Variants in NMNAT3 observed in about 807,000 individuals in gnomAD.
NMNAT3 encodes nicotinamide nucleotide adenylyltransferase 3.
A neutral mutation model predicts 24.8 loss-of-function variants in NMNAT3; 21 were observed. That is an observed-to-expected ratio of 0.85 (90% confidence interval 0.60 to 1.22). The LOEUF is 1.22. Ranked by LOEUF, NMNAT3 falls within the 50% of genes most tolerant of loss-of-function variation. NMNAT3 has a pLI of 0.00. For missense variants in NMNAT3, 387 were observed against 436.6 expected, an observed-to-expected ratio of 0.89 and a Z score of 1.01; for synonymous variants, 136 against 155.2, an observed-to-expected ratio of 0.88 and a Z score of 0.92.
At chr3:139,625,359 C>T (rs970845781) in intron 3 of NMNAT3, among the ~76,000 whole-genome samples, 5 of 152,118 alleles carry the variant, frequency 3.3e-5, no homozygotes, top group African/African-American at 1.2e-4. Flanking sequence ...GTTTAAATCT[C>T]TTATGTTGTT....
intron 1 of NMNAT3, among the ~76,000 whole-genome samples, chr3:139,652,813 A>C (rs2057099734): frequency 6.6e-6 from 1 of 152,194 alleles, no homozygotes; most frequent in South Asian, 2.1e-4. Context: ...CCTCGAGAGA[A>C]GCTGGGAATC....
chr3:139,581,655 C>A (rs2053622077), intron 4 of NMNAT3, among the ~76,000 whole-genome samples: 1 of 152,036 alleles, frequency 6.6e-6, no homozygotes, highest in African/African-American at 2.4e-5. Context: ...TGTACCTAAT[C>A]TATAATAAGT....
chr3:139,643,732 G>T (rs1266875230), intron 1 of NMNAT3, among the ~76,000 whole-genome samples: 2 of 152,058 alleles, frequency 1.3e-5, no homozygotes, highest in African/African-American at 4.8e-5. Flanking sequence ...GGAGGAGAGG[G>T]GGAAGGAACA....
intron 6 of NMNAT3, chr3:139,567,919 C>T (rs1017105931): frequency 2.0e-5 from 3 of 152,178 alleles, no homozygotes; most frequent in African/African-American, 7.2e-5. Flanking sequence ...AGGAATGGTA[C>T]CAGCTCCTCT....
chr3:139,627,893 G>A (rs1475253550), intron 2 of NMNAT3, 129 bp from the exon 4 acceptor site: 19 of 469,994 alleles, frequency 4.0e-5, no homozygotes, highest in South Asian at 1.5e-4. Flanking sequence ...TTAAAACAAC[G>A]TTTAAGGAGG....
At chr3:139,610,750 A>T (rs569566788) in intron 3 of NMNAT3, among the ~76,000 whole-genome samples, 1 of 152,260 alleles carries the variant, frequency 6.6e-6, no homozygotes, top group East Asian at 1.9e-4. Context: ...TCATAGCTTA[A>T]TTTCCCCCTT....
rs114419338 is a variant in NMNAT3, at chr3:139,561,240, C to A, written c.811G>T (p.Ala271Ser). The A allele has an allele frequency of 5.6e-6, 9 of 1,613,924 alleles. No homozygotes were observed. Among genetic ancestry groups the A allele is most frequent in the Non-Finnish European group, 7.6e-6 (9 of 1,180,002 alleles). Residue 271 changes from alanine to serine, a missense_variant, in exon 7 of 7, where the codon GCA becomes TCA. Transcript: ENST00000643695. ...TGCATCCGTAGGATGGGAGATTCTG[C>A]GATGTAACCTTTTGGGTCGTGACCT...
rs562333919 is a variant in NMNAT3, at chr3:139,607,904, C to T, written c.109+19712G>A. On this transcript the variant is annotated intron_variant, in intron 3 of 6. Transcript: ENST00000643695. ...ATAATTATCAGTAACTCATAAATTT[C>T]CCCAAGGCCTAACTCCGTCTTGACA... Among the ~76,000 whole-genome samples the T allele has an allele frequency of 5.3e-5, 8 of 152,262 alleles. No homozygotes were observed. The South Asian group carries it at 1.7e-3, about 32-fold the overall frequency.
At chr3:139,579,076 G>T (rs369545555) in intron 4 of NMNAT3, 21 bp from the exon 5 acceptor site, 1 of 1,605,044 alleles carries the variant, frequency 6.2e-7, no homozygotes, top group South Asian at 1.1e-5. Context: ...GAGAGCAGTG[G>T]TGTTGCACAT....
chr3:139,579,240 AT>A (rs1939811876), intron 4 of NMNAT3, among the ~76,000 whole-genome samples, 185 bp from the exon 5 acceptor site: 2 of 152,164 alleles, frequency 1.3e-5, no homozygotes, highest in African/African-American at 4.8e-5. Context: ...CTTAGTGAAC[AT>A]GTGCTTCTCC....
At chr3:139,632,626 G>A (rs999719101) in intron 2 of NMNAT3, among the ~76,000 whole-genome samples, 4 of 152,210 alleles carry the variant, frequency 2.6e-5, no homozygotes, top group Non-Finnish European at 4.4e-5. Flanking sequence ...ATCTACTAGT[G>A]GCCAGGCCCT....
intron 1 of NMNAT3, among the ~76,000 whole-genome samples, chr3:139,643,830 A>G (rs1178762254): frequency 6.6e-6 from 1 of 152,214 alleles, no homozygotes; most frequent in South Asian, 2.1e-4. Flanking sequence ...TTTATTACAC[A>G]CTTAAAAATG....
intron 3 of NMNAT3, among the ~76,000 whole-genome samples, chr3:139,619,318 T>A (rs1264720645): frequency 4.6e-5 from 7 of 152,180 alleles, no homozygotes; most frequent in Admixed American, 4.6e-4. Flanking sequence ...GACCAAGTAC[T>A]TTCCAGGGAG....
intron 1 of NMNAT3, among the ~76,000 whole-genome samples, chr3:139,662,208 G>A (rs537058913): frequency 3.3e-5 from 5 of 152,214 alleles, no homozygotes; most frequent in Middle Eastern, 3.4e-3. Context: ...AGTGAATGCC[G>A]GTTGTCTCTC....
chr3:139,573,684 T>C lies in NMNAT3; in HGVS notation c.576-4A>G. The C allele has an allele frequency of 6.4e-7, 1 of 1,572,302 alleles. No individual in the cohort carries two copies. The highest frequency in any genetic ancestry group is 8.6e-7 in the Non-Finnish European group (1 of 1,156,412). On this transcript the variant is annotated splice_region_variant and splice_polypyrimidine_tract_variant and intron_variant, in intron 5 of 6. Coordinates refer to ENST00000643695, the MANE Select transcript of NMNAT3 (RefSeq NM_001320510.2). ...GAGCAGTTTGCTGTGATGATGCCTG[T>C]GTTGTAAACATATGGGCTCAGGGTA...
At chr3:139,581,511 A>T (rs1438244850) in intron 4 of NMNAT3, among the ~76,000 whole-genome samples, 4 of 152,242 alleles carry the variant, frequency 2.6e-5, no homozygotes, top group African/African-American at 4.8e-5. Context: ...CTACTTGGCA[A>T]TAAATGTATG....
chr3:139,583,970 T>A (rs796792958), intron 3 of NMNAT3: 31 of 186,258 alleles, frequency 1.7e-4, no homozygotes, highest in African/African-American at 7.0e-4. Flanking sequence ...TGTGACTTCT[T>A]TCTTTTTCCT....
chr3:139,623,108 A>G (rs2055879127), intron 3 of NMNAT3, among the ~76,000 whole-genome samples: 1 of 151,966 alleles, frequency 6.6e-6, no homozygotes. Context: ...AACTTTTTAA[A>G]CTTTTGGATT....
At chr3:139,672,779 G>A (rs2057800786) in intron 1 of NMNAT3, 1 of 152,210 alleles carries the variant, frequency 6.6e-6, no homozygotes, top group African/African-American at 2.4e-5. Flanking sequence ...TAATATTCAA[G>A]TATGGACAGA....
Sources: gnomAD v4.1 joint callset for allele counts (sites outside exome capture counted in the v4.1 genomes callset) on GRCh38, gnomAD v4.1.1 for gene constraint, MANE v1.5 for transcripts, NCBI Gene and HGNC (gene_info 2026-07-23, HGNC 2026-07-21) for gene names.